UTP4: variants seen among roughly 807,000 people sequenced by gnomAD.
UTP4 encodes the protein UTP4 small subunit processome component.
Under a neutral mutation model 82.4 loss-of-function variants are expected in UTP4, and 45 were observed. The observed-to-expected ratio is 0.55, with a 90% CI of 0.43 to 0.70. The LOEUF (loss-of-function observed/expected upper bound fraction) is 0.70, where lower values mean the gene tolerates loss of function less well. Among genes scored for constraint, UTP4 ranks in the 30% least tolerant of loss-of-function variants. The pLI, the probability that UTP4 is intolerant of heterozygous loss-of-function variation, is 0.00. For missense variants in UTP4, 819 were observed against 858.3 expected (o/e 0.95, Z 0.57); for synonymous variants, 348 against 300.3 (o/e 1.16, Z -1.64).
intron 4 of UTP4, 127 bp downstream of exon 4, chr16:69,138,012 A>G (rs907878649): frequency 4.2e-6 from 3 of 715,896 alleles, no homozygotes; most frequent in African/African-American, 1.8e-5. Flanking sequence ...CAGGGAGGGT[A>G]TGTGCTAGAA....
chr16:69,133,083 C>G, intron 1 of UTP4: 1 of 292,194 alleles, frequency 3.4e-6, no homozygotes. Context: ...AAGAGGAGCT[C>G]GGTTCTGCCT....
intron 4 of UTP4, among the ~76,000 whole-genome samples, chr16:69,138,498 T>C (rs1016998455): frequency 1.3e-5 from 2 of 152,192 alleles, no homozygotes; most frequent in Admixed American, 6.5e-5. Context: ...TGCCTTGGCC[T>C]CAAGTGCTGG....
chr16:69,135,222 A>C (rs1048137188), intron 2 of UTP4, among the ~76,000 whole-genome samples: 3 of 152,112 alleles, frequency 2.0e-5, no homozygotes, highest in Non-Finnish European at 2.9e-5. Flanking sequence ...GCCACTGCTT[A>C]ATGTTTCTTG....
At position 69,167,091 on chromosome 16, in the gene UTP4, A is replaced by G. The variant is rs765477757; in HGVS notation, c.1850A>G (p.Lys617Arg). The change falls in exon 16 of 17, where the codon AAA becomes AGA. Residue 617 changes from lysine (K) to arginine (R), a missense_variant. Coordinates refer to ENST00000314423, the MANE Select transcript of UTP4 (RefSeq NM_032830.3). The part of the protein sequence containing the change: ...IDKSLPLPND[K>R]TLLYNPFPPT... ...TTTTTTTAGCCCCTTCCAAATGACA[A>G]AACCTTACTCTACAATCCATTTCCT... is the stretch of plus-strand genomic sequence containing the variant. 1.2e-6 allele frequency: 2 copies of G among 1,613,620 alleles called. No individual in the cohort carries two copies. Among genetic ancestry groups the G allele is most frequent in the East Asian group, 2.2e-5 (1 of 44,884 alleles).
intron 2 of UTP4, among the ~76,000 whole-genome samples, chr16:69,134,279 G>C (rs1962745823): frequency 6.6e-6 from 1 of 151,684 alleles, no homozygotes; most frequent in African/African-American, 2.4e-5. Flanking sequence ...GCAAATGAGT[G>C]AATTCAGTGC....
chr16:69,154,573 A>AG, intron 10 of UTP4, 116 bp downstream of exon 10: 1 of 819,414 alleles, frequency 1.2e-6, no homozygotes, highest in Non-Finnish European at 2.1e-6. Flanking sequence ...TTCTAAAACT[A>AG]TTTGAATGAA....
In UTP4 at chr16:69,151,622, T is replaced by C. The variant is rs558873623; in HGVS notation, c.1002+718T>C. Among the ~76,000 whole-genome samples, 743 of 141,504 alleles carry C rather than the reference T, an allele frequency of 5.3e-3. 2 individuals are homozygous for C. Among genetic ancestry groups the C allele is most frequent in the African/African-American group, 0.02 (724 of 36,048 alleles). 92.8% of individuals were successfully genotyped at this position (141,504 alleles called of 152,430 possible). A position where few individuals can be genotyped will look rare whatever the true frequency, so the allele number is the denominator to read the frequency against. On this transcript the variant is annotated intron_variant, in intron 8 of 16. Coordinates refer to ENST00000314423, the MANE Select transcript of UTP4 (RefSeq NM_032830.3). ...GGCGTGAGCCACTGTGCCCAGCCCCTGCCTTTTTTTTTTTTTTAACCATCT... is the reference window on the plus strand; with the variant it reads ...GGCGTGAGCCACTGTGCCCAGCCCCCGCCTTTTTTTTTTTTTTAACCATCT...
Position 69,150,611 on chromosome 16 carries a change from C to T in UTP4, c.813C>T (p.Asn271=). ...TTCAGCTGGTCCCTGTGACATCTAACAGCAGTGAGAAGCAGTGGGTGCGGA... is the reference window on the plus strand; with the variant it reads ...TTCAGCTGGTCCCTGTGACATCTAATAGCAGTGAGAAGCAGTGGGTGCGGA... ...FHFQLVPVTS[N]SSEKQWVRTK... is the part of the protein sequence containing the mutation. Residue 271 remains asparagine (N), a synonymous_variant, in exon 7 of 17, where the codon AAC becomes AAT. Transcript: ENST00000314423. 6.2e-7 allele frequency: 1 copy of T among 1,614,234 alleles called. No individual in the cohort carries two copies. The highest frequency in any genetic ancestry group is 1.6e-4 in the Middle Eastern group (1 of 6,062).
In UTP4 at chr16:69,149,895, A is replaced by T. The variant is rs575155605; in HGVS notation, c.739-642A>T. ...AGGCATGCGCCACCACGCCCAGCTA[A>T]TTTTTGTATTTTTAGTAGCGACGGG... On this transcript the variant is annotated intron_variant, in intron 6 of 16. Coordinates refer to ENST00000314423, the MANE Select transcript of UTP4 (RefSeq NM_032830.3). 2.0e-5 allele frequency among the ~76,000 whole-genome samples: 3 copies of T among 151,930 alleles called. No homozygotes were observed. The South Asian group carries it at 6.3e-4, about 32-fold the overall frequency.
intron 6 of UTP4, among the ~76,000 whole-genome samples, chr16:69,148,683 C>T (rs1287594454): frequency 6.6e-6 from 1 of 150,606 alleles, no homozygotes; most frequent in Non-Finnish European, 1.5e-5. Flanking sequence ...GTAATCCTGG[C>T]TCACTGCAGC....
intron 9 of UTP4, 132 bp downstream of exon 9, chr16:69,153,812 A>T: frequency 1.4e-6 from 1 of 718,212 alleles, no homozygotes. Flanking sequence ...TGGTTTTCCC[A>T]CCCATTAGAT....
chr16:69,138,020 GA>G, intron 4 of UTP4, 135 bp downstream of exon 4: 1 of 690,292 alleles, frequency 1.4e-6, no homozygotes. Context: ...GTATGTGCTA[GA>G]AGCCATCCCC....
intron 2 of UTP4, 92 bp from the exon 3 acceptor site, chr16:69,136,604 G>A (rs908087433): frequency 1.0e-5 from 12 of 1,203,522 alleles, no homozygotes; most frequent in Admixed American, 5.0e-5. Flanking sequence ...GTTATTTATG[G>A]GGAAGTTGTT....
chr16:69,142,298 T>G (rs1272675265), intron 5 of UTP4: 1 of 152,358 alleles, frequency 6.6e-6, no homozygotes, highest in Non-Finnish European at 1.5e-5. Flanking sequence ...TTCTCCTGCC[T>G]GGTGAGTATT....
Position 69,165,509 on chromosome 16 carries a change from A to G in UTP4, c.1816A>G (p.Ile606Val), listed in dbSNP as rs1003078097. 4.3e-6 allele frequency: 7 copies of G among 1,614,104 alleles called. 1 individual carries two copies. The highest frequency in any genetic ancestry group is 5.9e-6 in the Non-Finnish European group (7 of 1,179,942). The change falls in exon 15 of 17, where the codon ATC (isoleucine) becomes GTC (valine). Residue 606 changes from isoleucine to valine, a missense_variant. Transcript: ENST00000314423. ...ILLHDAYMFC[I>V]IDKSLPLPND... Reference sequence around the variant, plus strand: ...TCTCCATGATGCCTACATGTTCTGCATCATTGACAAGTCATTGGTGAGTTC... The same window carrying G: ...TCTCCATGATGCCTACATGTTCTGCGTCATTGACAAGTCATTGGTGAGTTC...
At chr16:69,135,287 A>G (rs1962782963) in intron 2 of UTP4, among the ~76,000 whole-genome samples, 2 of 151,854 alleles carry the variant, frequency 1.3e-5, no homozygotes, top group African/African-American at 4.8e-5. Context: ...TTTCTCCTTC[A>G]TCTGTTTTCT....
At chr16:69,153,415 C>G (rs5011579) in intron 8 of UTP4, among the ~76,000 whole-genome samples, 169 bp from the exon 9 acceptor site, 114,179 of 152,146 alleles carry the variant, frequency 0.75, 43,637 homozygotes, top group African/African-American at 0.9. Context: ...TCATCATCGT[C>G]TTCATAGATC....
chr16:69,151,186 A>G (rs1357497357), intron 8 of UTP4, among the ~76,000 whole-genome samples: 1 of 151,386 alleles, frequency 6.6e-6, no homozygotes, highest in Non-Finnish European at 1.5e-5. Flanking sequence ...TTATATCTTT[A>G]GTAGAGACTG....
Position 69,152,464 on chromosome 16 carries a change from C to CTTTTTT in UTP4, c.1003-1103_1003-1098dup, listed in dbSNP as rs58914042. ...CCAGGCTCAGCTAATTTCTGTTTTT[C>CTTTTTT]TTTTTTTTTTTTTTTTTTTTTTGAG... On this transcript the variant is annotated intron_variant, in intron 8 of 16. Coordinates refer to ENST00000314423, the MANE Select transcript of UTP4 (RefSeq NM_032830.3). Among the ~76,000 whole-genome samples, 333 of 107,116 alleles carry CTTTTTT rather than the reference C, an allele frequency of 3.1e-3. 3 individuals carry two copies. Among genetic ancestry groups the CTTTTTT allele is most frequent in the African/African-American group, 0.011 (324 of 29,080 alleles). The allele number at this position is 107,116 out of a possible 152,430, so 70.3% of individuals were successfully genotyped here.
Sources: allele counts gnomAD v4.1 joint callset (sites outside exome capture counted in the v4.1 genomes callset), GRCh38; gene constraint gnomAD v4.1.1; transcripts MANE v1.5; gene names NCBI Gene and HGNC (gene_info 2026-07-23, HGNC 2026-07-21).